CRISPLD1: variants seen among roughly 807,000 people sequenced by gnomAD.
CRISPLD1 encodes cysteine-rich secretory protein LCCL domain-containing 1.
A neutral mutation model predicts 77.5 loss-of-function variants in CRISPLD1; 60 were observed. The ratio of observed to expected loss-of-function variants is 0.77; its 90% CI spans 0.63 to 0.96. The LOEUF is 0.96. Ranked by LOEUF, CRISPLD1 falls within the 40% of genes least tolerant of loss-of-function variation. CRISPLD1 has a pLI of 0.00. For missense variants in CRISPLD1, 623 were observed against 615.8 expected, an observed-to-expected ratio of 1.01 and a Z score of -0.12; for synonymous variants, 195 against 200.1, an observed-to-expected ratio of 0.97 and a Z score of 0.22.
chr8:74,987,003 G>C (rs191611599), intron 2 of CRISPLD1, among the ~76,000 whole-genome samples: 108 of 152,232 alleles, frequency 7.1e-4, no homozygotes, highest in African/African-American at 2.4e-3. Context: ...CCATGAATGA[G>C]GAATGCACTA....
chr8:75,010,681 TC>T (rs1563397454), intron 2 of CRISPLD1, among the ~76,000 whole-genome samples: 1 of 152,158 alleles, frequency 6.6e-6, no homozygotes, highest in African/African-American at 2.4e-5. Context: ...CTTTATAATT[TC>T]ATATTAATTA....
rs1380303334 is a variant in CRISPLD1, at chr8:75,013,980, A to G, written c.511-7A>G. On this transcript the variant is annotated splice_polypyrimidine_tract_variant and splice_region_variant and intron_variant, in intron 4 of 14. Transcript: ENST00000262207. ...CTTTTTCTGAGCCTTTCATTTTTCT[A>G]ACATAGGTCGTGTGGGCAACTAGTA... 1.9e-6 allele frequency: 3 copies of G among 1,595,988 alleles called. No homozygotes were observed. The highest frequency in any genetic ancestry group is 4.5e-5 in the East Asian group (2 of 44,728).
chr8:75,001,178 AAC>A (rs141886709), intron 2 of CRISPLD1, among the ~76,000 whole-genome samples: 18,717 of 152,168 alleles, frequency 0.12, 1,688 homozygotes, highest in African/African-American at 0.25. Context: ...TTTTACATAA[AAC>A]ACAATTTTAT....
intron 2 of CRISPLD1, among the ~76,000 whole-genome samples, chr8:74,990,151 T>A (rs1241019738): frequency 6.6e-6 from 1 of 152,174 alleles, no homozygotes; most frequent in Non-Finnish European, 1.5e-5. Context: ...GTATATTACA[T>A]TATGTAATAC....
intron 2 of CRISPLD1, among the ~76,000 whole-genome samples, chr8:74,993,650 G>T (rs1218055770): frequency 6.6e-6 from 1 of 152,192 alleles, no homozygotes; most frequent in African/African-American, 2.4e-5. Context: ...TTACAACCCA[G>T]TTCTATTCTC....
At chr8:75,014,241 C>A in intron 5 of CRISPLD1, 139 bp downstream of exon 5, 1 of 621,882 alleles carries the variant, frequency 1.6e-6, no homozygotes. Context: ...AATATGGCAA[C>A]AATTGTAGTT....
In CRISPLD1 at chr8:75,025,526, T is replaced by TAA; in HGVS notation, c.1245-19_1245-18dup. ...GTAACCAGCTTACTTAATATATATA[T>TAA]AATATATTATTTTTTTCAGAGTATA... On this transcript the variant is annotated intron_variant, in intron 12 of 14. Coordinates refer to ENST00000262207, the MANE Select transcript of CRISPLD1 (RefSeq NM_031461.6). 3.4e-6 allele frequency: 4 copies of TAA among 1,169,112 alleles called. No individual in the cohort carries two copies. Among genetic ancestry groups the TAA allele is most frequent in the Non-Finnish European group, 4.9e-6 (4 of 822,298 alleles). The allele number at this position is 1,169,112 out of a possible 1,614,324, so 72.4% of individuals were successfully genotyped here. A position where few individuals can be genotyped will look rare whatever the true frequency, so the allele number is the denominator to read the frequency against.
In CRISPLD1 at chr8:75,032,299, T is replaced by C; in HGVS notation, c.*57T>C. 1 of 1,399,928 alleles carries C rather than the reference T, an allele frequency of 7.1e-7. No individual in the cohort carries two copies. The highest frequency in any genetic ancestry group is 1.0e-6 in the Non-Finnish European group (1 of 1,000,750). The allele number at this position is 1,399,928 out of a possible 1,614,324, so 86.7% of individuals were successfully genotyped here. On this transcript the variant is annotated 3_prime_UTR_variant, in exon 15 of 15. Coordinates refer to ENST00000262207, the MANE Select transcript of CRISPLD1 (RefSeq NM_031461.6). ...TATTCCAAATGCAATATTTCTGAAT[T>C]TTGTATAAAACTGTAACATTACTGT...
intron 2 of CRISPLD1, among the ~76,000 whole-genome samples, chr8:75,011,742 T>C (rs1373910033): frequency 1.3e-5 from 2 of 152,160 alleles, no homozygotes; most frequent in Non-Finnish European, 2.9e-5. Context: ...TAATCATTCA[T>C]GTATTTAACA....
chr8:74,995,608 G>A (rs1226944212), intron 2 of CRISPLD1, among the ~76,000 whole-genome samples: 1 of 152,140 alleles, frequency 6.6e-6, no homozygotes, highest in African/African-American at 2.4e-5. Flanking sequence ...CTGAGTAGCT[G>A]TGACTACAGC....
intron 2 of CRISPLD1, among the ~76,000 whole-genome samples, chr8:75,005,038 C>T (rs1472989116): frequency 6.6e-6 from 1 of 152,124 alleles, no homozygotes; most frequent in East Asian, 1.9e-4. Flanking sequence ...AAATTGAGCT[C>T]TGCTCTCATG....
chr8:75,025,379 T>C (rs1470158786), intron 12 of CRISPLD1, among the ~76,000 whole-genome samples, 167 bp from the exon 13 acceptor site: 3 of 152,074 alleles, frequency 2.0e-5, no homozygotes, highest in Admixed American at 6.6e-5. Flanking sequence ...ACAGAAGCAA[T>C]TGTGTCTACT....
chr8:75,027,781 C>T (rs1813258843), intron 13 of CRISPLD1, among the ~76,000 whole-genome samples: 1 of 152,070 alleles, frequency 6.6e-6, no homozygotes, highest in Admixed American at 6.6e-5. Context: ...TCTTTCCTTC[C>T]ATTTATAGAG....
chr8:75,013,119 G>A, intron 4 of CRISPLD1, 97 bp downstream of exon 4: 2 of 1,031,492 alleles, frequency 1.9e-6, no homozygotes, highest in African/African-American at 1.6e-5. Flanking sequence ...TATTTAATAT[G>A]GTTATTAAAA....
intron 2 of CRISPLD1, among the ~76,000 whole-genome samples, chr8:74,999,778 T>TTC (rs1034109095): frequency 6.6e-6 from 1 of 151,338 alleles, no homozygotes; most frequent in African/African-American, 2.4e-5. Flanking sequence ...TTCTTTTCTT[T>TTC]TTTTTTTTTT....
At chr8:74,991,764 A>G (rs560086073) in intron 2 of CRISPLD1, among the ~76,000 whole-genome samples, 12 of 152,170 alleles carry the variant, frequency 7.9e-5, no homozygotes, top group African/African-American at 2.9e-4. Context: ...TCCTCACCTC[A>G]GGTGATCCAC....
chr8:74,988,855 G>A (rs1360190093), intron 2 of CRISPLD1, among the ~76,000 whole-genome samples: 1 of 152,102 alleles, frequency 6.6e-6, no homozygotes, highest in Non-Finnish European at 1.5e-5. Flanking sequence ...AAAAACTTGA[G>A]TCTGGAAAGC....
At chr8:74,997,559 G>C (rs761526400) in intron 2 of CRISPLD1, among the ~76,000 whole-genome samples, 1 of 152,136 alleles carries the variant, frequency 6.6e-6, no homozygotes, top group Non-Finnish European at 1.5e-5. Context: ...GTAGCTATTA[G>C]GAACTCTCTG....
chr8:75,011,400 A>AG (rs1343364554), intron 2 of CRISPLD1, among the ~76,000 whole-genome samples: 7 of 150,682 alleles, frequency 4.6e-5, no homozygotes, highest in African/African-American at 1.7e-4. Flanking sequence ...TTTCAGCTTC[A>AG]TCACTGTCAC....
Sources: allele counts gnomAD v4.1 joint callset (sites outside exome capture counted in the v4.1 genomes callset), GRCh38; gene constraint gnomAD v4.1.1; transcripts MANE v1.5; gene names NCBI Gene and HGNC (gene_info 2026-07-23, HGNC 2026-07-21).